LARGE1: variants seen among roughly 807,000 people sequenced by gnomAD.
LARGE1 encodes the protein LARGE xylosyl- and glucuronyltransferase 1, also known as xylosyl- and glucuronyltransferase LARGE1.
In LARGE1, 43 loss-of-function variants were observed where a neutral mutation model predicts 87.6. That is an observed-to-expected ratio of 0.49 (90% confidence interval 0.38 to 0.63). The LOEUF is 0.63. LARGE1 is among the 30% of genes least tolerant of loss of function. The probability of loss-of-function intolerance (pLI) is 0.00; values close to 1 mark genes in which losing one functional copy is unlikely to be tolerated. For synonymous variants in LARGE1, 434 were observed against 394.6 expected (o/e 1.10, Z -1.18); for missense variants, 802 against 1,000.2 (o/e 0.80, Z 2.67).
At chr22:33,086,896 C>T in the LARGE1 span, among the ~76,000 whole-genome samples, 2 of 152,190 alleles carry the variant, frequency 1.3e-5, no homozygotes, top group African/African-American at 4.8e-5. Context: ...TTACTACAAG[C>T]TTGGATTCTG....
intron 11 of LARGE1, among the ~76,000 whole-genome samples, chr22:33,306,412 G>A (rs1934936194): frequency 6.6e-6 from 1 of 152,144 alleles, no homozygotes; most frequent in Non-Finnish European, 1.5e-5. Flanking sequence ...TGAAGGAAGT[G>A]GGCGGAAGGA....
intron 5 of LARGE1, among the ~76,000 whole-genome samples, chr22:33,602,327 G>T (rs1329632756): frequency 2.6e-5 from 4 of 151,124 alleles, no homozygotes. Flanking sequence ...GAAAAAAAAT[G>T]ATACAATCAT....
rs576191631 is a variant in LARGE1 at position 33,695,063 on chromosome 22, A to T, written c.107-44395T>A. Among the ~76,000 whole-genome samples the T allele has an allele frequency of 4.6e-5, 7 of 152,070 alleles. No individual in the cohort carries two copies. In the South Asian group the frequency reaches 1.0e-3, roughly 23 times the overall value. On this transcript the variant is annotated intron_variant, in intron 2 of 14. Coordinates refer to ENST00000397394, the MANE Select transcript of LARGE1 (RefSeq NM_133642.5). ...TCAGCAAAAATCACCCTTGTCCCAT[A>T]AAGCAATGATCAGATAGCTGCAGTA...
chr22:33,426,740 G>C (rs2066894883), intron 7 of LARGE1, among the ~76,000 whole-genome samples: 1 of 152,184 alleles, frequency 6.6e-6, no homozygotes, highest in African/African-American at 2.4e-5. Context: ...AGGATTCCGA[G>C]AGAAATTCTT....
chr22:33,904,951 T>C lies in LARGE1; in HGVS notation c.-83+15044A>G, dbSNP rs1032913347. On this transcript the variant is annotated intron_variant, in intron 1 of 14. Coordinates refer to ENST00000397394, the MANE Select transcript of LARGE1 (RefSeq NM_133642.5). ...CCTTTAAATTTTATGGAAAAAAATATTCAGGTGTATAAGGGTCTATGGCAG... is the reference window on the plus strand; with the variant it reads ...CCTTTAAATTTTATGGAAAAAAATACTCAGGTGTATAAGGGTCTATGGCAG... 3.9e-5 allele frequency among the ~76,000 whole-genome samples: 6 copies of C among 152,044 alleles called. No individual in the cohort carries two copies. The South Asian group carries it at 1.2e-3, about 32-fold the overall frequency.
chr22:33,258,557 G>A (rs1568992733), intron 11 of LARGE1, among the ~76,000 whole-genome samples: 1 of 152,150 alleles, frequency 6.6e-6, no homozygotes, highest in Non-Finnish European at 1.5e-5. Flanking sequence ...AGAAAGTTCG[G>A]TATTTCTAGC....
intron 6 of LARGE1, among the ~76,000 whole-genome samples, chr22:33,445,627 C>T (rs554935625): frequency 6.6e-5 from 10 of 150,740 alleles, no homozygotes; most frequent in African/African-American, 2.4e-4. Context: ...GGGGCAACAC[C>T]TTTTGTTCTA....
chr22:33,203,720 T>G (rs1482088109), intron 11 of LARGE1, among the ~76,000 whole-genome samples: 4 of 152,178 alleles, frequency 2.6e-5, no homozygotes, highest in Non-Finnish European at 4.4e-5. Context: ...GTGACTTTGC[T>G]GCCGCTGCTA....
At position 33,761,794 on chromosome 22, in the gene LARGE1, GCA is replaced by G. The variant is rs936281086; in HGVS notation, c.-82-238_-82-237del. Among the ~76,000 whole-genome samples the G allele has an allele frequency of 3.1e-4, 47 of 151,840 alleles. No homozygotes were observed. The East Asian group carries it at 8.3e-3, about 27-fold the overall frequency. ...CTCTCTCACACACACACACAAACAC[GCA>G]CACACACATACACACGCACAATTTA... is the stretch of plus-strand genomic sequence containing the variant. On this transcript the variant is annotated intron_variant, in intron 1 of 14. Coordinates refer to ENST00000397394, the MANE Select transcript of LARGE1 (RefSeq NM_133642.5).
chr22:33,618,405 T>C (rs2079643456), intron 4 of LARGE1, among the ~76,000 whole-genome samples: 1 of 152,224 alleles, frequency 6.6e-6, no homozygotes, highest in Admixed American at 6.5e-5. Flanking sequence ...TTAACTTCCC[T>C]GAGCCTTGGT....
intron 11 of LARGE1, among the ~76,000 whole-genome samples, chr22:33,212,182 T>C (rs1460900110): frequency 3.3e-5 from 5 of 152,144 alleles, no homozygotes; most frequent in Admixed American, 6.5e-5. Flanking sequence ...TCTAGGACTT[T>C]CTTAGCTAGA....
chr22:33,548,711 G>A (rs974515874), intron 6 of LARGE1, among the ~76,000 whole-genome samples: 2 of 152,160 alleles, frequency 1.3e-5, no homozygotes, highest in African/African-American at 2.4e-5. Context: ...CATCATACCC[G>A]GCTCAGGTAT....
chr22:33,585,514 G>C (rs574678931), intron 5 of LARGE1, among the ~76,000 whole-genome samples: 103 of 152,234 alleles, frequency 6.8e-4, no homozygotes, highest in African/African-American at 2.4e-3. Context: ...GAGAGACAGA[G>C]TGCATATGAG....
intron 2 of LARGE1, among the ~76,000 whole-genome samples, chr22:33,691,849 C>A (rs1302213013): frequency 6.6e-6 from 1 of 152,118 alleles, no homozygotes; most frequent in Non-Finnish European, 1.5e-5. Context: ...CTAGGCAGCT[C>A]CCTGGACTCT....
chr22:33,287,850 A>G lies in LARGE1; in HGVS notation c.1731-4502T>C, dbSNP rs574554459. 5.3e-5 allele frequency among the ~76,000 whole-genome samples: 8 copies of G among 152,358 alleles called. No individual in the cohort carries two copies. In the South Asian group the frequency reaches 1.7e-3, roughly 32 times the overall value. ...TATTACTCTTTAGATTGCTAAATGT[A>G]GATTATTAAGATGGAAGCTTTGGAG... On this transcript the variant is annotated intron_variant, in intron 12 of 14. Coordinates refer to ENST00000397394, the MANE Select transcript of LARGE1 (RefSeq NM_133642.5).
chr22:33,542,796 T>C (rs1393026020), intron 6 of LARGE1, among the ~76,000 whole-genome samples: 1 of 152,052 alleles, frequency 6.6e-6, no homozygotes, highest in Non-Finnish European at 1.5e-5. Context: ...TCATGCTTTC[T>C]ATAGTCACTC....
intron 6 of LARGE1, among the ~76,000 whole-genome samples, chr22:33,559,946 T>TA (rs1215501003): frequency 2.6e-5 from 4 of 152,172 alleles, no homozygotes; most frequent in African/African-American, 9.7e-5. Context: ...ACCTGGTGTA[T>TA]ATGGTCACTT....
Position 33,397,781 on chromosome 22 carries a change from C to T in LARGE1, c.893-13477G>A, listed in dbSNP as rs572400733. Among the ~76,000 whole-genome samples, 19 of 152,256 alleles carry T rather than the reference C, an allele frequency of 1.2e-4. No homozygotes were observed. In the South Asian group the frequency reaches 1.9e-3, roughly 15 times the overall value. ...TGGTTCTGAAGTATTCCAATTGCTC[C>T]GCAGTCCCACTAAAAACTGGCATTG... On this transcript the variant is annotated intron_variant, in intron 7 of 14. Coordinates refer to ENST00000397394, the MANE Select transcript of LARGE1 (RefSeq NM_133642.5).
intron 6 of LARGE1, among the ~76,000 whole-genome samples, chr22:33,442,613 T>C (rs897132977): frequency 1.3e-5 from 2 of 152,174 alleles, no homozygotes; most frequent in African/African-American, 4.8e-5. Flanking sequence ...TTGGGAGCTC[T>C]CTTTATGCTA....
Sources: gnomAD v4.1 joint callset for allele counts (sites outside exome capture counted in the v4.1 genomes callset) on GRCh38, gnomAD v4.1.1 for gene constraint, MANE v1.5 for transcripts, NCBI Gene and HGNC (gene_info 2026-07-23, HGNC 2026-07-21) for gene names.